Variants in MAPKAPK5 observed in about 807,000 individuals in gnomAD.
MAPKAPK5 encodes the protein MAPK activated protein kinase 5, also known as MAP kinase-activated protein kinase 5.
In MAPKAPK5, 30 loss-of-function variants were observed where a neutral mutation model predicts 65.1. The ratio of observed to expected loss-of-function variants is 0.46; its 90% confidence interval spans 0.34 to 0.63. The LOEUF (loss-of-function observed/expected upper bound fraction) is 0.63. Among genes scored for constraint, MAPKAPK5 ranks in the 20% least tolerant of loss-of-function variants. The pLI is 0.01. For missense variants in MAPKAPK5, 433 were observed against 581.4 expected (o/e 0.74, Z 2.63); for synonymous variants, 179 against 204.6 (o/e 0.87, Z 1.07).
intron 1 of MAPKAPK5, among the ~76,000 whole-genome samples, chr12:111,861,152 C>T (rs375773965): frequency 4.0e-5 from 6 of 150,882 alleles, no homozygotes; most frequent in Middle Eastern, 3.4e-3. Flanking sequence ...AGCGAGACTC[C>T]GTCTAAAAAA....
rs191288754 is a variant in MAPKAPK5 at position 111,845,554 on chromosome 12, G to T, written c.36+2785G>T. Among the ~76,000 whole-genome samples the T allele has an allele frequency of 5.9e-5, 9 of 152,026 alleles. No homozygotes were observed. In the East Asian group the frequency reaches 1.7e-3, roughly 29 times the overall value. Reference sequence around the variant, plus strand: ...TGTAGATGGGATAAAAGCACTCCCAGCTTATAGGGTTTTTTGTTGGTTTGT... The same window carrying T: ...TGTAGATGGGATAAAAGCACTCCCATCTTATAGGGTTTTTTGTTGGTTTGT... On this transcript the variant is annotated intron_variant, in intron 1 of 13. Transcript: ENST00000550735.
At chr12:111,852,034 A>G (rs1250221054) in intron 1 of MAPKAPK5, among the ~76,000 whole-genome samples, 1 of 152,180 alleles carries the variant, frequency 6.6e-6, no homozygotes, top group Admixed American at 6.5e-5. Flanking sequence ...TACAAGAAAC[A>G]GGGGCAGGAA....
chr12:111,887,186 T>TA (rs2070432235), intron 10 of MAPKAPK5, among the ~76,000 whole-genome samples: 1 of 152,164 alleles, frequency 6.6e-6, no homozygotes, highest in Non-Finnish European at 1.5e-5. Context: ...GTGGAAGTGT[T>TA]AGACGTCTCT....
At chr12:111,877,924 T>C (rs2070045203) in intron 7 of MAPKAPK5, among the ~76,000 whole-genome samples, 1 of 151,840 alleles carries the variant, frequency 6.6e-6, no homozygotes, top group Non-Finnish European at 1.5e-5. Flanking sequence ...ACTTCTGGGC[T>C]CAAGTGATCC....
chr12:111,845,447 C>T (rs1001099265), intron 1 of MAPKAPK5, among the ~76,000 whole-genome samples: 5 of 152,140 alleles, frequency 3.3e-5, no homozygotes, highest in Non-Finnish European at 5.9e-5. Flanking sequence ...TGAGCTACCA[C>T]GCCCAGCCCA....
intron 1 of MAPKAPK5, among the ~76,000 whole-genome samples, chr12:111,860,091 C>T (rs2069385748): frequency 6.6e-6 from 1 of 152,168 alleles, no homozygotes; most frequent in Non-Finnish European, 1.5e-5. Flanking sequence ...AAAATATTTT[C>T]ATTTTTTCTT....
chr12:111,869,347 C>T (rs1297722769), intron 5 of MAPKAPK5, among the ~76,000 whole-genome samples: 1 of 152,026 alleles, frequency 6.6e-6, no homozygotes, highest in African/African-American at 2.4e-5. Context: ...TGAATTATTC[C>T]TGGTTATATT....
chr12:111,899,528 G>T lies in MAPKAPK5; in HGVS notation c.*6467G>T. 5.2e-6 allele frequency: 1 copy of T among 193,090 alleles called. No homozygotes were observed. Among genetic ancestry groups the T allele is most frequent in the Admixed American group, 5.3e-5 (1 of 19,002 alleles). 12.0% of individuals were successfully genotyped at this position (193,090 alleles called of 1,614,324 possible). ...TTATTCCAAAGAGGCTGACAGTCCA[G>T]GGAGGAGATAGCCCAGTGGAAGGAC... On this transcript the variant is annotated 3_prime_UTR_variant, in exon 14 of 14. Coordinates refer to ENST00000550735, the MANE Select transcript of MAPKAPK5 (RefSeq NM_003668.4).
intron 7 of MAPKAPK5, among the ~76,000 whole-genome samples, chr12:111,874,504 CTT>C (rs2069892229): frequency 7.4e-6 from 1 of 134,570 alleles, no homozygotes; most frequent in African/African-American, 2.8e-5. Flanking sequence ...GAATTGCACT[CTT>C]TGTTGCCCAG....
chr12:111,860,821 C>A (rs994147837), intron 1 of MAPKAPK5, among the ~76,000 whole-genome samples: 1 of 151,840 alleles, frequency 6.6e-6, no homozygotes, highest in African/African-American at 2.4e-5. Flanking sequence ...CGAGGAATTG[C>A]CTACCACTTC....
At chr12:111,884,014 T>C (rs1047174533) in intron 9 of MAPKAPK5, among the ~76,000 whole-genome samples, 1 of 152,216 alleles carries the variant, frequency 6.6e-6, no homozygotes. Flanking sequence ...GGTCCCTCCA[T>C]AGGCAGTCTC....
chr12:111,857,617 G>A (rs764181528), intron 1 of MAPKAPK5, among the ~76,000 whole-genome samples: 1 of 152,108 alleles, frequency 6.6e-6, no homozygotes, highest in Admixed American at 6.6e-5. Context: ...GGTAGTTCTT[G>A]TAGGCCAAGT....
At chr12:111,871,521 T>C (rs1326386260) in intron 7 of MAPKAPK5, among the ~76,000 whole-genome samples, 1 of 152,100 alleles carries the variant, frequency 6.6e-6, no homozygotes, top group Non-Finnish European at 1.5e-5. Context: ...CGCACACCTG[T>C]AATTCGTGCT....
chr12:111,901,834 G>T lies in MAPKAPK5; in HGVS notation c.*8773G>T. The T allele has an allele frequency of 1.3e-5, 2 of 153,650 alleles. No individual in the cohort carries two copies. The highest frequency in any genetic ancestry group is 6.4e-5 in the Admixed American group (1 of 15,556). The allele number at this position is 153,650 out of a possible 1,614,324, so 9.5% of individuals were successfully genotyped here. On this transcript the variant is annotated 3_prime_UTR_variant, in exon 14 of 14. Coordinates refer to ENST00000550735, the MANE Select transcript of MAPKAPK5 (RefSeq NM_003668.4). ...CTCAGATATACTGATGTAGAAGGAA[G>T]GATTCTTTCACTTTTATTATTTATT...
chr12:111,855,840 C>T (rs539446790), intron 1 of MAPKAPK5, among the ~76,000 whole-genome samples: 27 of 149,588 alleles, frequency 1.8e-4, no homozygotes, highest in African/African-American at 6.7e-4. Context: ...AAAAAAAATG[C>T]GTTGTTTAAT....
At position 111,842,786 on chromosome 12, in the gene MAPKAPK5, C is replaced by G. The variant is rs757055610; in HGVS notation, c.36+17C>G. The G allele has an allele frequency of 7.6e-7, 1 of 1,316,176 alleles. No individual in the cohort carries two copies. Among genetic ancestry groups the G allele is most frequent in the Non-Finnish European group, 9.8e-7 (1 of 1,023,856 alleles). 81.5% of individuals were successfully genotyped at this position (1,316,176 alleles called of 1,614,324 possible). On this transcript the variant is annotated intron_variant, in intron 1 of 13. Coordinates refer to ENST00000550735, the MANE Select transcript of MAPKAPK5 (RefSeq NM_003668.4). ...GCCATCAAGGTAAGGGGGAGGTGCC[C>G]CCTCTTCCCCCGCGTTGTCCTGTGG...
intron 1 of MAPKAPK5, among the ~76,000 whole-genome samples, chr12:111,864,924 A>T (rs1227019641): frequency 6.6e-6 from 1 of 152,216 alleles, no homozygotes; most frequent in African/African-American, 2.4e-5. Flanking sequence ...GGCATTTAGT[A>T]ATTGATGCAT....
intron 1 of MAPKAPK5, among the ~76,000 whole-genome samples, chr12:111,847,320 C>A (rs535734816): frequency 6.8e-6 from 1 of 148,004 alleles, no homozygotes; most frequent in East Asian, 2.0e-4. Context: ...TGTACTCCAG[C>A]CTGGGCGACA....
chr12:111,876,432 TA>T (rs1253382937), intron 7 of MAPKAPK5, among the ~76,000 whole-genome samples: 2 of 151,536 alleles, frequency 1.3e-5, no homozygotes, highest in African/African-American at 4.9e-5. Context: ...TTAACATGCA[TA>T]AAGCACATGT....
Sources: allele counts gnomAD v4.1 joint callset (sites outside exome capture counted in the v4.1 genomes callset), GRCh38; gene constraint gnomAD v4.1.1; transcripts MANE v1.5; gene names NCBI Gene and HGNC (gene_info 2026-07-23, HGNC 2026-07-21).